The following DNAH3 variants were observed in gnomAD, a reference collection of about 807,000 sequenced individuals.
DNAH3 encodes the protein axonemal beta dynein heavy chain 3.
A neutral mutation model predicts 432.5 loss-of-function variants in DNAH3; 332 were observed. The ratio of observed to expected loss-of-function variants is 0.77; its 90% CI spans 0.70 to 0.84. DNAH3 has a LOEUF of 0.84. Among genes scored for constraint, DNAH3 ranks in the 40% least tolerant of loss-of-function variants. The pLI, the probability that DNAH3 is intolerant of heterozygous loss-of-function variation, is 0.00. For synonymous variants in DNAH3, 1,956 were observed against 1,900.2 expected, an observed-to-expected ratio of 1.03 and a Z score of -0.76; for missense variants, 4,861 against 5,114.0, an observed-to-expected ratio of 0.95 and a Z score of 1.51.
At chr16:21,064,858 TAG>T (rs1491150678) in intron 24 of DNAH3, among the ~76,000 whole-genome samples, 8 of 119,312 alleles carry the variant, frequency 6.7e-5, no homozygotes, top group Non-Finnish European at 1.0e-4. Context: ...AATATTGAGG[TAG>T]GTGTGTGTGT....
chr16:21,139,319 GCTTTTTTT>G (rs2152827534), intron 5 of DNAH3, among the ~76,000 whole-genome samples: 1 of 32,786 alleles, frequency 3.1e-5, no homozygotes, highest in East Asian at 2.3e-3. Context: ...CTTTCCTCAT[GCTTTTTTT>G]TTTTTTTTTT....
At chr16:20,964,164 A>C (rs758976431) in exon 53 of DNAH3, 1 of 1,614,196 alleles carries the variant, frequency 6.2e-7, no homozygotes, top group Non-Finnish European at 8.5e-7. Context: ...CCAAGATCTT[A>C]TCTTCAATTT....
At chr16:20,981,589 G>A (rs1426579137) in intron 49 of DNAH3, among the ~76,000 whole-genome samples, 2 of 152,082 alleles carry the variant, frequency 1.3e-5, no homozygotes, top group South Asian at 2.1e-4. Context: ...GCTGGGCATG[G>A]AGGCTCACAC....
At chr16:20,935,569 A>G in intron 60 of DNAH3, 84 bp from the exon 61 acceptor site, 1 of 1,457,924 alleles carries the variant, frequency 6.9e-7, no homozygotes, top group Non-Finnish European at 9.2e-7. Context: ...AGTACCATAT[A>G]AAATATGTTT....
At position 21,108,675 on chromosome 16, in the gene DNAH3, C is replaced by T. The variant is rs929570863; in HGVS notation, c.2100-2001G>A. ...GGAGGATGACATGAGCCCAGGAGGTCGAGGCTGCAGTAAGCTTTGATCATG... is the reference window on the plus strand; with the variant it reads ...GGAGGATGACATGAGCCCAGGAGGTTGAGGCTGCAGTAAGCTTTGATCATG... On this transcript the variant is annotated intron_variant, in intron 14 of 61. Coordinates refer to ENST00000261383, the Ensembl canonical transcript of DNAH3. Among the ~76,000 whole-genome samples the T allele has an allele frequency of 5.3e-5, 8 of 152,062 alleles. No homozygotes were observed. The South Asian group carries it at 1.7e-3, about 31-fold the overall frequency.
intron 61 of DNAH3, 66 bp downstream of exon 61, chr16:20,935,282 A>G: frequency 6.3e-7 from 1 of 1,588,774 alleles, no homozygotes; most frequent in African/African-American, 1.4e-5. Flanking sequence ...TTGACTCATA[A>G]GGAAATTGGC....
intron 41 of DNAH3, among the ~76,000 whole-genome samples, chr16:21,010,688 C>A (rs1247230086): frequency 6.6e-6 from 1 of 151,980 alleles, no homozygotes; most frequent in Non-Finnish European, 1.5e-5. Context: ...CTGGAGCACT[C>A]GGCATTAGAA....
chr16:20,944,210 A>G (rs2083942936), intron 58 of DNAH3, among the ~76,000 whole-genome samples: 1 of 152,222 alleles, frequency 6.6e-6, no homozygotes, highest in Non-Finnish European at 1.5e-5. Flanking sequence ...AGAAAAAAAA[A>G]AAGAATAAAA....
chr16:21,039,735 A>G, intron 33 of DNAH3, 117 bp downstream of exon 33: 1 of 836,360 alleles, frequency 1.2e-6, no homozygotes, highest in Middle Eastern at 2.3e-4. Flanking sequence ...AGTAAGCAGA[A>G]GCAAGTTTCT....
chr16:21,153,540 C>T (rs919470968), intron 1 of DNAH3, among the ~76,000 whole-genome samples: 3 of 152,168 alleles, frequency 2.0e-5, no homozygotes, highest in African/African-American at 4.8e-5. Flanking sequence ...GCTGCCCGGG[C>T]CAGCAGTGGC....
chr16:20,997,585 GT>G, intron 43 of DNAH3, 123 bp from the exon 44 acceptor site: 1 of 1,160,154 alleles, frequency 8.6e-7, no homozygotes, highest in Non-Finnish European at 1.2e-6. Flanking sequence ...CCCCATTCCA[GT>G]TAGGGCTTAG....
intron 18 of DNAH3, among the ~76,000 whole-genome samples, chr16:21,088,165 C>T (rs1180011027): frequency 6.6e-6 from 1 of 152,066 alleles, no homozygotes; most frequent in Non-Finnish European, 1.5e-5. Context: ...CATGCTTCAT[C>T]AACCCAACAT....
At chr16:21,107,151 G>A (rs1452848465) in intron 14 of DNAH3, among the ~76,000 whole-genome samples, 1 of 150,584 alleles carries the variant, frequency 6.6e-6, no homozygotes, top group Non-Finnish European at 1.5e-5. Flanking sequence ...CTCATACACA[G>A]AACCTAGATT....
chr16:21,042,262 T>A, intron 31 of DNAH3, 59 bp from the exon 32 acceptor site: 2 of 1,494,252 alleles, frequency 1.3e-6, no homozygotes, highest in South Asian at 2.8e-5. Flanking sequence ...ACCACCCTAC[T>A]CTACCGGAGT....
At chr16:21,024,447 C>T (rs754399872) in intron 39 of DNAH3, 149 bp downstream of exon 39, 69 of 573,372 alleles carry the variant, frequency 1.2e-4, no homozygotes, top group Non-Finnish European at 1.8e-4. Flanking sequence ...TGGCAGGCAG[C>T]CAGGAAACAA....
chr16:21,085,414 C>T (rs1159467411), intron 19 of DNAH3, among the ~76,000 whole-genome samples: 3 of 149,976 alleles, frequency 2.0e-5, no homozygotes, highest in South Asian at 2.1e-4. Context: ...CATGGTGGCA[C>T]GTGCCTGCAA....
intron 10 of DNAH3, chr16:21,121,043 T>C: frequency 1.4e-6 from 1 of 690,604 alleles, no homozygotes; most frequent in Non-Finnish European, 2.7e-6. Context: ...CACTGCAACC[T>C]TGAACTCCTG....
chr16:21,067,563 G>C, intron 23 of DNAH3, 144 bp from the exon 24 acceptor site: 1 of 835,462 alleles, frequency 1.2e-6, no homozygotes, highest in South Asian at 1.6e-5. Context: ...CTGCACAGGG[G>C]TGAATGCTTA....
At chr16:21,016,955 A>G (rs1427875731) in intron 41 of DNAH3, among the ~76,000 whole-genome samples, 2 of 152,144 alleles carry the variant, frequency 1.3e-5, no homozygotes, top group Non-Finnish European at 2.9e-5. Flanking sequence ...AGGGCAGTCT[A>G]ATTTATGGTG....
Sources: gnomAD v4.1 joint callset for allele counts (sites outside exome capture counted in the v4.1 genomes callset) on GRCh38, gnomAD v4.1.1 for gene constraint, MANE v1.5 for transcripts, NCBI Gene and HGNC (gene_info 2026-07-23, HGNC 2026-07-21) for gene names.